Variants in FHIT observed in about 807,000 individuals in gnomAD.
FHIT encodes fragile histidine triad diadenosine triphosphatase, also known as bis(5'-adenosyl)-triphosphatase.
Under a neutral mutation model 17.9 loss-of-function variants are expected in FHIT, and 19 were observed. The ratio of observed to expected loss-of-function variants is 1.06; its 90% CI spans 0.74 to 1.56. The LOEUF is 1.56. FHIT is among the 40% of genes most tolerant of loss of function. The pLI, the probability that FHIT is intolerant of heterozygous loss-of-function variation, is 0.00. For missense variants in FHIT, 248 were observed against 189.2 expected, an observed-to-expected ratio of 1.31 and a Z score of -1.82; for synonymous variants, 81 against 69.7, an observed-to-expected ratio of 1.16 and a Z score of -0.81.
intron 7 of FHIT, among the ~76,000 whole-genome samples, chr3:59,930,371 T>C (rs1359810472): frequency 6.6e-6 from 1 of 152,204 alleles, no homozygotes; most frequent in South Asian, 2.1e-4. Flanking sequence ...TTCTGACACC[T>C]GGAGTCTCAT....
chr3:61,194,879 A>G (rs1454878622), intron 2 of FHIT, among the ~76,000 whole-genome samples: 1 of 152,162 alleles, frequency 6.6e-6, no homozygotes, highest in African/African-American at 2.4e-5. Context: ...ATACAAATGC[A>G]AAGTATTATT....
At chr3:61,136,103 C>T (rs1175114953) in intron 2 of FHIT, among the ~76,000 whole-genome samples, 1 of 152,062 alleles carries the variant, frequency 6.6e-6, no homozygotes. Flanking sequence ...AGGTAGACAA[C>T]ATCCACGGAG....
At chr3:61,141,495 A>G (rs1167816813) in intron 2 of FHIT, among the ~76,000 whole-genome samples, 1 of 152,184 alleles carries the variant, frequency 6.6e-6, no homozygotes, top group African/African-American at 2.4e-5. Flanking sequence ...TCTGTAGCCC[A>G]GAGAGATATT....
intron 4 of FHIT, among the ~76,000 whole-genome samples, chr3:60,708,733 T>G (rs546168214): frequency 2.0e-5 from 3 of 152,182 alleles, no homozygotes; most frequent in African/African-American, 7.2e-5. Flanking sequence ...TTTAAAATGT[T>G]AAGACTCATT....
At chr3:61,243,366 AAG>A (rs2040416227) in intron 1 of FHIT, among the ~76,000 whole-genome samples, 1 of 152,198 alleles carries the variant, frequency 6.6e-6, no homozygotes, top group Non-Finnish European at 1.5e-5. Flanking sequence ...AGCAGAACCT[AAG>A]AAAGTAGAGA....
chr3:60,712,285 A>T (rs2107938766), intron 4 of FHIT, among the ~76,000 whole-genome samples: 1 of 152,338 alleles, frequency 6.6e-6, no homozygotes, highest in Non-Finnish European at 1.5e-5. Flanking sequence ...AGCACTGAAC[A>T]TGGAAAGGAA....
At chr3:61,243,954 A>G (rs1023867085) in intron 1 of FHIT, 2 of 152,174 alleles carry the variant, frequency 1.3e-5, no homozygotes, top group Non-Finnish European at 2.9e-5. Context: ...AGCCTTCAAA[A>G]TGCTACTTTC....
chr3:60,673,425 A>G (rs1488597655), intron 4 of FHIT, among the ~76,000 whole-genome samples: 1 of 152,116 alleles, frequency 6.6e-6, no homozygotes, highest in Non-Finnish European at 1.5e-5. Context: ...ACAGAAAACC[A>G]AACACTGCAT....
intron 5 of FHIT, among the ~76,000 whole-genome samples, chr3:60,524,098 T>A (rs2035479837): frequency 6.6e-6 from 1 of 151,956 alleles, no homozygotes; most frequent in Non-Finnish European, 1.5e-5. Context: ...ACTGAACACC[T>A]CCTATGAGCC....
At chr3:59,922,537 G>T (rs1575701685) in intron 7 of FHIT, 123 bp from the exon 8 acceptor site, 4 of 776,854 alleles carry the variant, frequency 5.1e-6, no homozygotes, top group Non-Finnish European at 8.4e-6. Flanking sequence ...TTTTTCAGAG[G>T]AAGTTGATAT....
intron 8 of FHIT, among the ~76,000 whole-genome samples, chr3:59,843,304 C>G (rs1308677100): frequency 2.0e-5 from 3 of 152,160 alleles, no homozygotes; most frequent in Non-Finnish European, 4.4e-5. Flanking sequence ...GCCAATACCA[C>G]ATTGCTTTGA....
At chr3:60,752,993 C>G (rs2042500289) in intron 4 of FHIT, among the ~76,000 whole-genome samples, 1 of 152,154 alleles carries the variant, frequency 6.6e-6, no homozygotes, top group Non-Finnish European at 1.5e-5. Context: ...ATTTATTGGC[C>G]TACTAAGTCT....
At chr3:61,198,535 G>T (rs1184502782) in intron 2 of FHIT, among the ~76,000 whole-genome samples, 1 of 51,380 alleles carries the variant, frequency 1.9e-5, no homozygotes, top group Non-Finnish European at 4.2e-5. Context: ...AAAAATTGGT[G>T]GGGGGGTTCC....
chr3:60,020,479 T>C (rs1254928119), intron 5 of FHIT, among the ~76,000 whole-genome samples: 1 of 152,218 alleles, frequency 6.6e-6, no homozygotes, highest in Non-Finnish European at 1.5e-5. Context: ...TCACTGATTT[T>C]GATTAGGCTG....
chr3:60,026,008 A>C (rs991902385), intron 5 of FHIT, among the ~76,000 whole-genome samples: 1 of 151,820 alleles, frequency 6.6e-6, no homozygotes, highest in Non-Finnish European at 1.5e-5. Context: ...CTAAACCTCC[A>C]AGGCCTGTAA....
chr3:60,227,781 G>T (rs1704287818), intron 5 of FHIT, among the ~76,000 whole-genome samples: 1 of 152,118 alleles, frequency 6.6e-6, no homozygotes, highest in South Asian at 2.1e-4. Flanking sequence ...GAATGAAAGT[G>T]ACTGATTCCC....
intron 4 of FHIT, among the ~76,000 whole-genome samples, chr3:60,558,764 G>C (rs1324991059): frequency 1.3e-5 from 2 of 152,124 alleles, no homozygotes; most frequent in African/African-American, 4.8e-5. Context: ...TTCTCCTGCA[G>C]GGCATTAACA....
At chr3:60,325,751 T>C (rs1709661948) in intron 5 of FHIT, among the ~76,000 whole-genome samples, 1 of 152,174 alleles carries the variant, frequency 6.6e-6, no homozygotes, top group Non-Finnish European at 1.5e-5. Context: ...CAGAATAAAA[T>C]TCAGTCAGTG....
chr3:61,188,862 G>C (rs2038614715), intron 2 of FHIT, among the ~76,000 whole-genome samples: 1 of 152,014 alleles, frequency 6.6e-6, no homozygotes, highest in Admixed American at 6.6e-5. Context: ...TGCAGAAAAG[G>C]CCTTTGACAA....
Sources: allele counts gnomAD v4.1 joint callset (sites outside exome capture counted in the v4.1 genomes callset), GRCh38; gene constraint gnomAD v4.1.1; transcripts MANE v1.5; gene names NCBI Gene and HGNC (gene_info 2026-07-23, HGNC 2026-07-21).